Variants in ZNF804B observed in about 807,000 individuals in gnomAD.
ZNF804B encodes the protein zinc finger 804B.
ZNF804B carries 80 observed loss-of-function variants against 101.4 expected under a neutral mutation model. That is an observed-to-expected ratio of 0.79 (90% CI 0.66 to 0.95). The LOEUF is 0.95. ZNF804B is among the 40% of genes least tolerant of loss of function. ZNF804B has a pLI of 0.00. For missense variants in ZNF804B, 1,673 were observed against 1,561.9 expected (o/e 1.07, Z -1.20); for synonymous variants, 622 against 558.8 (o/e 1.11, Z -1.59).
chr7:88,838,570 A>G (rs1328862215), intron 1 of ZNF804B, among the ~76,000 whole-genome samples: 1 of 151,980 alleles, frequency 6.6e-6, no homozygotes, highest in East Asian at 1.9e-4. Flanking sequence ...TGTTACCTAT[A>G]CTATTAAGTA....
Position 89,219,910 on chromosome 7 carries a change from T to TATATATGTATATACATATATGTGTGC in ZNF804B, c.249+1622_249+1647dup, listed in dbSNP as rs1788959223. On this transcript the variant is annotated intron_variant, in intron 2 of 3. Transcript: ENST00000333190. ...GTATATATGTATATATGTGTGTGCA[T>TATATATGTATATACATATATGTGTGC]ATATATGTATATACATATATGTGTG... Among the ~76,000 whole-genome samples the TATATATGTATATACATATATGTGTGC allele has an allele frequency of 2.7e-5, 4 of 148,380 alleles. No homozygotes were observed. In the South Asian group the frequency reaches 8.7e-4, roughly 32 times the overall value.
In ZNF804B at chr7:89,327,587, G is replaced by A. The variant is rs148877639; in HGVS notation, c.380+113G>A. The A allele has an allele frequency of 8.8e-6, 12 of 1,365,812 alleles. No homozygotes were observed. The East Asian group carries it at 3.1e-4, about 36-fold the overall frequency. The allele number at this position is 1,365,812 out of a possible 1,614,324, so 84.6% of individuals were successfully genotyped here. A position where few individuals can be genotyped will look rare whatever the true frequency, so the allele number is the denominator to read the frequency against. ...CAAATAATAACTAACTAATAGATAT[G>A]TCTGAAGGGCAAATATAGTTAAACA... On this transcript the variant is annotated intron_variant, in intron 3 of 3. Transcript: ENST00000333190.
In ZNF804B at chr7:89,309,132, C is replaced by T. The variant is rs1317177679; in HGVS notation, c.250-18212C>T. The stretch of plus-strand genomic sequence containing the variant: ...CTGATAGGTAGTTATTTAACCCTTG[C>T]CCCCTTCCCTTCCTTCCCCACTTTG... On this transcript the variant is annotated intron_variant, in intron 2 of 3. Coordinates refer to ENST00000333190, the MANE Select transcript of ZNF804B (RefSeq NM_181646.5). Among the ~76,000 whole-genome samples the T allele has an allele frequency of 1.1e-4, 16 of 152,148 alleles. No individual in the cohort carries two copies. The East Asian group carries it at 2.9e-3, about 28-fold the overall frequency.
intron 1 of ZNF804B, among the ~76,000 whole-genome samples, chr7:88,889,257 G>C (rs1227716674): frequency 6.6e-6 from 1 of 152,130 alleles, no homozygotes; most frequent in Non-Finnish European, 1.5e-5. Flanking sequence ...GAACATAGGA[G>C]TACATGTGTC....
At chr7:89,296,795 C>G (rs1334180241) in intron 2 of ZNF804B, among the ~76,000 whole-genome samples, 1 of 152,040 alleles carries the variant, frequency 6.6e-6, no homozygotes, top group South Asian at 2.1e-4. Flanking sequence ...AAACAGAGAA[C>G]TTAATAGGTA....
At chr7:89,221,163 G>T (rs949500627) in intron 2 of ZNF804B, among the ~76,000 whole-genome samples, 2 of 151,720 alleles carry the variant, frequency 1.3e-5, no homozygotes, top group Non-Finnish European at 2.9e-5. Context: ...TGATTTCGTA[G>T]ACATCAATGA....
chr7:89,071,084 A>G (rs1789531311), intron 1 of ZNF804B, among the ~76,000 whole-genome samples: 1 of 152,230 alleles, frequency 6.6e-6, no homozygotes, highest in Non-Finnish European at 1.5e-5. Flanking sequence ...TTATCATACT[A>G]ATACTATGTA....
In ZNF804B at chr7:89,336,398, T is replaced by C. The variant is rs1791091179; in HGVS notation, c.3416T>C (p.Ile1139Thr). ...EDGLEMCHKS[I>T]SPPLIQQPIT... ...GGATTAGAAATGTGTCATAAATCTA[T>C]CTCTCCCCCTTTAATTCAACAGCCC... Residue 1139 changes from isoleucine to threonine, a missense_variant, in exon 4 of 4, where the codon ATC becomes ACC. Transcript: ENST00000333190. The C allele has an allele frequency of 1.2e-6, 2 of 1,613,868 alleles. No individual in the cohort carries two copies. Among genetic ancestry groups the C allele is most frequent in the African/African-American group, 1.3e-5 (1 of 74,876 alleles).
chr7:88,972,344 T>C (rs1793551480), intron 1 of ZNF804B, among the ~76,000 whole-genome samples: 1 of 151,502 alleles, frequency 6.6e-6, no homozygotes, highest in South Asian at 2.1e-4. Context: ...CTGTTATTTA[T>C]CTCTTGGTAG....
chr7:88,951,286 T>A (rs978027622), intron 1 of ZNF804B, among the ~76,000 whole-genome samples: 5 of 151,784 alleles, frequency 3.3e-5, no homozygotes, highest in African/African-American at 1.2e-4. Flanking sequence ...TTAAAGAAAA[T>A]CTGATAGGTA....
intron 1 of ZNF804B, among the ~76,000 whole-genome samples, chr7:88,971,538 A>G (rs1310499532): frequency 2.0e-5 from 3 of 151,642 alleles, no homozygotes; most frequent in African/African-American, 7.2e-5. Context: ...CAATTCTCCA[A>G]AATAATTATC....
intron 1 of ZNF804B, among the ~76,000 whole-genome samples, chr7:88,828,893 C>G (rs1328096796): frequency 6.6e-6 from 1 of 152,006 alleles, no homozygotes; most frequent in Non-Finnish European, 1.5e-5. Context: ...CATTAGATCA[C>G]CTTACAGATA....
chr7:88,822,090 C>T (rs1231738873), intron 1 of ZNF804B, among the ~76,000 whole-genome samples: 1 of 152,134 alleles, frequency 6.6e-6, no homozygotes, highest in Non-Finnish European at 1.5e-5. Context: ...GATTGTGGGA[C>T]TGTAAGACCA....
chr7:89,164,096 G>A (rs540234766), intron 1 of ZNF804B, among the ~76,000 whole-genome samples: 171 of 151,454 alleles, frequency 1.1e-3, no homozygotes, highest in African/African-American at 4.0e-3. Context: ...ATGTACCACC[G>A]AAAATACTCA....
chr7:89,010,483 G>T (rs1036881237), intron 1 of ZNF804B, among the ~76,000 whole-genome samples: 3 of 152,130 alleles, frequency 2.0e-5, no homozygotes, highest in Non-Finnish European at 4.4e-5. Flanking sequence ...TAGGTAACAT[G>T]AAATTTCCTT....
intron 1 of ZNF804B, among the ~76,000 whole-genome samples, chr7:89,126,617 T>G (rs1584001675): frequency 1.3e-5 from 2 of 152,116 alleles, no homozygotes; most frequent in South Asian, 4.1e-4. Flanking sequence ...ATTTTTCTTC[T>G]GCTTTCTGCA....
chr7:89,277,056 T>G (rs1279121465), intron 2 of ZNF804B, among the ~76,000 whole-genome samples: 3 of 150,716 alleles, frequency 2.0e-5, no homozygotes, highest in Non-Finnish European at 4.4e-5. Context: ...AACTTTGGTC[T>G]GTTGTCAAAT....
chr7:89,016,316 T>G (rs1271977687), intron 1 of ZNF804B, among the ~76,000 whole-genome samples: 4 of 152,086 alleles, frequency 2.6e-5, no homozygotes, highest in Non-Finnish European at 5.9e-5. Flanking sequence ...TAGTTTCTTT[T>G]GCTGTGCAGA....
chr7:89,227,772 T>G (rs1331307824), intron 2 of ZNF804B, among the ~76,000 whole-genome samples: 1 of 152,152 alleles, frequency 6.6e-6, no homozygotes, highest in Non-Finnish European at 1.5e-5. Flanking sequence ...GGCCATTTAG[T>G]GTTCCAAATA....
Sources: allele counts gnomAD v4.1 joint callset (sites outside exome capture counted in the v4.1 genomes callset), GRCh38; gene constraint gnomAD v4.1.1; transcripts MANE v1.5; gene names NCBI Gene and HGNC (gene_info 2026-07-23, HGNC 2026-07-21).